NPAS3: variants seen among roughly 807,000 people sequenced by gnomAD.
NPAS3 encodes neuronal PAS domain protein 3, also known as neuronal PAS domain-containing protein 3.
NPAS3 carries 14 observed loss-of-function variants against 73.1 expected under a neutral mutation model. The observed-to-expected ratio is 0.19, with a 90% CI of 0.13 to 0.30. NPAS3 has a LOEUF of 0.30. NPAS3 is among the 10% of genes least tolerant of loss of function. The pLI is 1.00. For missense variants in NPAS3, 1,096 were observed against 1,250.0 expected (o/e 0.88, Z 1.86); for synonymous variants, 620 against 541.5 (o/e 1.14, Z -2.01).
At chr14:33,711,472 G>C (rs2060816822) in intron 6 of NPAS3, among the ~76,000 whole-genome samples, 1 of 152,174 alleles carries the variant, frequency 6.6e-6, no homozygotes, top group South Asian at 2.1e-4. Context: ...AATAAACGTA[G>C]ATAGAATGTT....
rs1036890803 is a variant in NPAS3, at chr14:33,488,810, T to G, written c.469-71311T>G. Among the ~76,000 whole-genome samples the G allele has an allele frequency of 5.3e-5, 8 of 152,302 alleles. No homozygotes were observed. In the South Asian group the frequency reaches 1.5e-3, roughly 28 times the overall value. ...CTGGAGAAATGCGCTTTAGTTTTAG[T>G]TTACATTCTCACCCATTGATACTAT... On this transcript the variant is annotated intron_variant, in intron 4 of 11. Coordinates refer to ENST00000356141, the Ensembl canonical transcript of NPAS3.
intron 5 of NPAS3, among the ~76,000 whole-genome samples, chr14:33,591,381 G>C (rs1381266549): frequency 6.6e-6 from 1 of 152,136 alleles, no homozygotes; most frequent in Admixed American, 6.5e-5. Flanking sequence ...TCCCCCACTG[G>C]TTGGACTAGA....
chr14:33,393,824 G>T (rs1481690607), intron 4 of NPAS3, among the ~76,000 whole-genome samples: 1 of 152,070 alleles, frequency 6.6e-6, no homozygotes, highest in Non-Finnish European at 1.5e-5. Context: ...GCTGTGTACT[G>T]CTATCAATAT....
chr14:33,466,763 A>C (rs941805217), intron 4 of NPAS3, among the ~76,000 whole-genome samples: 5 of 152,088 alleles, frequency 3.3e-5, no homozygotes. Context: ...ACACACTTTT[A>C]AACAACCAGA....
At chr14:33,142,327 T>C (rs1383597233) in intron 2 of NPAS3, among the ~76,000 whole-genome samples, 1 of 151,830 alleles carries the variant, frequency 6.6e-6, no homozygotes, top group Non-Finnish European at 1.5e-5. Flanking sequence ...TTTTTAGCCT[T>C]AACTGCTATA....
intron 2 of NPAS3, among the ~76,000 whole-genome samples, chr14:33,129,362 C>T (rs538530318): frequency 4.6e-5 from 7 of 152,266 alleles, no homozygotes; most frequent in African/African-American, 1.4e-4. Flanking sequence ...CTTTCAGAGA[C>T]TTCTCTAACA....
intron 5 of NPAS3, among the ~76,000 whole-genome samples, chr14:33,575,429 C>T (rs1397860704): frequency 6.6e-6 from 1 of 152,156 alleles, no homozygotes; most frequent in Non-Finnish European, 1.5e-5. Flanking sequence ...TATAAGCAGC[C>T]CATATGAAGT....
At chr14:33,770,368 G>A (rs144224462) in intron 7 of NPAS3, among the ~76,000 whole-genome samples, 44 of 152,216 alleles carry the variant, frequency 2.9e-4, no homozygotes, top group East Asian at 7.7e-4. Context: ...ACAAAGCTTC[G>A]CAAGTGACTC....
intron 1 of NPAS3, among the ~76,000 whole-genome samples, chr14:33,047,243 T>C (rs2040541094): frequency 6.6e-6 from 1 of 152,220 alleles, no homozygotes; most frequent in Non-Finnish European, 1.5e-5. Flanking sequence ...CAACCAATTT[T>C]ATTGTCTAAA....
At chr14:33,257,276 C>T (rs987674676) in intron 3 of NPAS3, among the ~76,000 whole-genome samples, 1 of 152,188 alleles carries the variant, frequency 6.6e-6, no homozygotes, top group African/African-American at 2.4e-5. Context: ...TACCTCTTTT[C>T]CTCAGGCTTA....
intron 2 of NPAS3, among the ~76,000 whole-genome samples, chr14:33,093,165 C>T (rs1397857495): frequency 6.6e-6 from 1 of 152,208 alleles, no homozygotes; most frequent in Non-Finnish European, 1.5e-5. Flanking sequence ...AAGAAACTAT[C>T]ATTAGCGTGA....
intron 4 of NPAS3, among the ~76,000 whole-genome samples, chr14:33,470,933 T>TAA (rs59672930): frequency 0.067 from 9,437 of 140,816 alleles, 366 homozygotes; most frequent in South Asian, 0.095. Flanking sequence ...AGAGCATATT[T>TAA]AAAAAAAAAA....
intron 3 of NPAS3, among the ~76,000 whole-genome samples, chr14:33,317,972 C>A (rs12586818): frequency 2.0e-5 from 3 of 152,024 alleles, no homozygotes; most frequent in African/African-American, 7.2e-5. Flanking sequence ...GATCCATGAT[C>A]GAGCAACTCC....
chr14:33,104,830 T>G (rs2138914782), intron 2 of NPAS3, among the ~76,000 whole-genome samples: 1 of 152,300 alleles, frequency 6.6e-6, no homozygotes, highest in South Asian at 2.1e-4. Context: ...ATGTTCTGCA[T>G]TTAGTATGGA....
At chr14:33,410,232 T>C (rs897266062) in intron 4 of NPAS3, among the ~76,000 whole-genome samples, 2 of 152,198 alleles carry the variant, frequency 1.3e-5, no homozygotes, top group African/African-American at 4.8e-5. Flanking sequence ...TTTTTCTGCC[T>C]ACAGTTACAT....
At chr14:33,766,105 T>A (rs1167877077) in intron 7 of NPAS3, among the ~76,000 whole-genome samples, 1 of 152,208 alleles carries the variant, frequency 6.6e-6, no homozygotes, top group African/African-American at 2.4e-5. Context: ...TTACTCATTT[T>A]AATAATTTGG....
At chr14:33,129,265 G>A (rs1167041509) in intron 2 of NPAS3, among the ~76,000 whole-genome samples, 1 of 152,098 alleles carries the variant, frequency 6.6e-6, no homozygotes, top group Non-Finnish European at 1.5e-5. Flanking sequence ...TGAAAATAGG[G>A]CATTAAGGGA....
intron 1 of NPAS3, among the ~76,000 whole-genome samples, chr14:33,005,671 C>T (rs1218171164): frequency 4.6e-5 from 7 of 152,070 alleles, no homozygotes; most frequent in Admixed American, 1.3e-4. Context: ...GGGAGTTGTT[C>T]CAAATTTATA....
chr14:33,781,306 C>T (rs2062972217), intron 9 of NPAS3, among the ~76,000 whole-genome samples: 1 of 152,192 alleles, frequency 6.6e-6, no homozygotes, highest in Non-Finnish European at 1.5e-5. Flanking sequence ...AAATGCATCT[C>T]GCTTTGTACA....
Sources: gnomAD v4.1 joint callset for allele counts (sites outside exome capture counted in the v4.1 genomes callset) on GRCh38, gnomAD v4.1.1 for gene constraint, MANE v1.5 for transcripts, NCBI Gene and HGNC (gene_info 2026-07-23, HGNC 2026-07-21) for gene names.